Variants in CNTN5 observed in about 807,000 individuals in gnomAD.
The protein encoded by CNTN5 is contactin-5.
CNTN5 carries 77 observed loss-of-function variants against 129.1 expected under a neutral mutation model. The observed-to-expected ratio is 0.60, with a 90% CI of 0.50 to 0.72. CNTN5 has a LOEUF of 0.72. CNTN5 is among the 30% of genes least tolerant of loss of function. The pLI is 0.00. For synonymous variants in CNTN5, 509 were observed against 465.6 expected (o/e 1.09, Z -1.20); for missense variants, 1,478 against 1,328.8 (o/e 1.11, Z -1.75).
intron 13 of CNTN5, among the ~76,000 whole-genome samples, chr11:100,158,859 G>GCATACAACAATGTTCATAGCAGCACT: frequency 6.6e-6 from 1 of 151,886 alleles, no homozygotes; most frequent in East Asian, 1.9e-4. Context: ...TTGTACATGT[G>GCATACAACAATGTTCATAGCAGCACT]CATACAACAA....
At chr11:99,612,553 G>C (rs1359283643) in intron 3 of CNTN5, among the ~76,000 whole-genome samples, 1 of 151,960 alleles carries the variant, frequency 6.6e-6, no homozygotes, top group Admixed American at 6.6e-5. Context: ...GTCTTCTTTA[G>C]TCTTTTTAAA....
chr11:99,335,506 A>T (rs1447291700), intron 2 of CNTN5, among the ~76,000 whole-genome samples: 1 of 151,966 alleles, frequency 6.6e-6, no homozygotes, highest in Non-Finnish European at 1.5e-5. Flanking sequence ...TGAGGAAGCA[A>T]GCAGAAGTGA....
In CNTN5 at chr11:99,819,526, A is replaced by C; in HGVS notation, c.56-18A>C. 1 of 1,574,534 alleles carries C rather than the reference A, an allele frequency of 6.4e-7. No individual in the cohort carries two copies. The highest frequency in any genetic ancestry group is 8.7e-7 in the Non-Finnish European group (1 of 1,150,134). The stretch of plus-strand genomic sequence containing the variant: ...GTTTCCTCAAAATTCAGATTTTATT[A>C]TATTTTTTCTCTTACAGAGTATTCA... On this transcript the variant is annotated intron_variant, in intron 3 of 24. Transcript: ENST00000524871.
chr11:99,982,381 C>T (rs1019408963), intron 8 of CNTN5, among the ~76,000 whole-genome samples: 1 of 151,940 alleles, frequency 6.6e-6, no homozygotes, highest in African/African-American at 2.4e-5. Context: ...AATATGAAGT[C>T]AAAGTATAGA....
At chr11:99,536,711 A>G (rs940461615) in intron 2 of CNTN5, among the ~76,000 whole-genome samples, 1 of 152,076 alleles carries the variant, frequency 6.6e-6, no homozygotes, top group Non-Finnish European at 1.5e-5. Context: ...GTTAATACCC[A>G]TGACAATTCT....
At chr11:99,514,716 T>C (rs1270614891) in intron 2 of CNTN5, among the ~76,000 whole-genome samples, 1 of 152,114 alleles carries the variant, frequency 6.6e-6, no homozygotes, top group African/African-American at 2.4e-5. Flanking sequence ...ATTGCACACT[T>C]AGTAGACTTC....
At chr11:99,626,285 G>C (rs1951129505) in intron 3 of CNTN5, among the ~76,000 whole-genome samples, 2 of 152,234 alleles carry the variant, frequency 1.3e-5, no homozygotes, top group South Asian at 4.1e-4. Flanking sequence ...GATCCAAATT[G>C]TTCAGTGCCT....
chr11:99,456,152 T>C (rs112696369), intron 2 of CNTN5, among the ~76,000 whole-genome samples: 1 of 152,222 alleles, frequency 6.6e-6, no homozygotes, highest in African/African-American at 2.4e-5. Context: ...ATTTCAAAAC[T>C]CTCGAAATGA....
chr11:99,518,264 G>A (rs569175452), intron 2 of CNTN5, among the ~76,000 whole-genome samples: 2 of 152,212 alleles, frequency 1.3e-5, no homozygotes, highest in African/African-American at 2.4e-5. Context: ...TCACAGGAAA[G>A]CAGCATTGTT....
chr11:99,977,205 C>G (rs1200054972), intron 8 of CNTN5, among the ~76,000 whole-genome samples: 2 of 152,196 alleles, frequency 1.3e-5, no homozygotes, highest in South Asian at 2.1e-4. Flanking sequence ...TCAACTCTAT[C>G]TGAGAAACCT....
chr11:99,859,336 T>C (rs1948137341), intron 6 of CNTN5, among the ~76,000 whole-genome samples: 1 of 152,246 alleles, frequency 6.6e-6, no homozygotes, highest in Admixed American at 6.5e-5. Context: ...TCCTTTTTTA[T>C]TTTCAATTGA....
At chr11:100,211,252 A>C (rs1352044161) in intron 15 of CNTN5, among the ~76,000 whole-genome samples, 3 of 152,176 alleles carry the variant, frequency 2.0e-5, no homozygotes, top group Non-Finnish European at 2.9e-5. Flanking sequence ...TTTGGAACTC[A>C]GTTGCCAGCA....
chr11:99,959,294 C>T (rs1022336557), intron 8 of CNTN5, among the ~76,000 whole-genome samples: 6 of 152,228 alleles, frequency 3.9e-5, no homozygotes, highest in African/African-American at 1.4e-4. Context: ...GCTACTCTCC[C>T]CTAAATTTTT....
chr11:100,078,976 G>A (rs1232875332), intron 13 of CNTN5, among the ~76,000 whole-genome samples: 3 of 152,118 alleles, frequency 2.0e-5, no homozygotes, highest in South Asian at 2.1e-4. Context: ...CAATCATGGC[G>A]TAAGGCAAAG....
intron 13 of CNTN5, among the ~76,000 whole-genome samples, chr11:100,181,053 C>T (rs1024725083): frequency 2.6e-5 from 4 of 151,942 alleles, no homozygotes. Flanking sequence ...TACTCTTGGG[C>T]ATTTATCCCA....
At chr11:99,415,622 G>C (rs987437659) in intron 2 of CNTN5, among the ~76,000 whole-genome samples, 6 of 152,142 alleles carry the variant, frequency 3.9e-5, no homozygotes, top group African/African-American at 1.4e-4. Context: ...GGGGATTCTA[G>C]TTGTTTCTAT....
chr11:99,766,770 A>G (rs947980), intron 3 of CNTN5, among the ~76,000 whole-genome samples: 80,297 of 151,784 alleles, frequency 0.53, 21,782 homozygotes, highest in East Asian at 0.71. Flanking sequence ...TATTTTAACA[A>G]GCATTTTAAA....
intron 3 of CNTN5, among the ~76,000 whole-genome samples, chr11:99,694,595 G>A (rs1336822177): frequency 6.6e-6 from 1 of 151,982 alleles, no homozygotes; most frequent in Non-Finnish European, 1.5e-5. Context: ...AGGTATACAC[G>A]TGCCATGGTG....
intron 9 of CNTN5, among the ~76,000 whole-genome samples, chr11:100,043,603 G>C (rs17094224): frequency 0.013 from 2,017 of 152,228 alleles, 41 homozygotes; most frequent in African/African-American, 0.045. Context: ...ACTATGTAAA[G>C]TTCCACTCAT....
Sources: allele counts gnomAD v4.1 joint callset (sites outside exome capture counted in the v4.1 genomes callset), GRCh38; gene constraint gnomAD v4.1.1; transcripts MANE v1.5; gene names NCBI Gene and HGNC (gene_info 2026-07-23, HGNC 2026-07-21).